Variants in FARSB observed in about 807,000 individuals in gnomAD.
The protein encoded by FARSB is phenylalanine--tRNA ligase beta subunit.
A neutral mutation model predicts 69.6 loss-of-function variants in FARSB; 40 were observed. The ratio of observed to expected loss-of-function variants is 0.57; its 90% CI spans 0.45 to 0.75. The LOEUF (loss-of-function observed/expected upper bound fraction) is 0.75, where lower values mean the gene tolerates loss of function less well. Ranked by LOEUF, FARSB falls within the 30% of genes least tolerant of loss-of-function variation. FARSB has a pLI of 0.00. For missense variants in FARSB, 632 were observed against 722.9 expected (o/e 0.87, Z 1.44); for synonymous variants, 235 against 247.2 (o/e 0.95, Z 0.46).
chr2:222,619,319 T>TAA (rs35884135), intron 14 of FARSB, among the ~76,000 whole-genome samples: 1 of 124,032 alleles, frequency 8.1e-6, no homozygotes, highest in Non-Finnish European at 1.7e-5. Context: ...AAATAAAAAT[T>TAA]AAAAAAAAAA....
At chr2:222,596,267 C>A (rs1574920370) in intron 16 of FARSB, among the ~76,000 whole-genome samples, 1 of 152,162 alleles carries the variant, frequency 6.6e-6, no homozygotes, top group Non-Finnish European at 1.5e-5. Context: ...GTCAACAAAA[C>A]TCCATAGGTT....
intron 15 of FARSB, among the ~76,000 whole-genome samples, chr2:222,603,158 G>A (rs1471381681): frequency 5.3e-5 from 8 of 152,172 alleles, no homozygotes; most frequent in South Asian, 4.1e-4. Context: ...AACATAGAAC[G>A]AATGCTGGCC....
chr2:222,571,881 G>C lies in FARSB; in HGVS notation c.1760C>G (p.Pro587Arg). ...CACAGAGACCAATCTTCACAAAAAG[G>C]GTCCAACATTGATTTCTAGGGAGGA... ...PCSSLEINVG[P>R]FL is the part of the protein sequence containing the mutation. Residue 587 changes from proline to arginine, a missense_variant, in exon 17 of 17, where the codon CCC becomes CGC. Physicochemically the swap from Pro to Arg is moderately radical, Grantham distance 103. Coordinates refer to ENST00000281828, the MANE Select transcript of FARSB (RefSeq NM_005687.5). 6.2e-7 allele frequency: 1 copy of C among 1,612,550 alleles called. No homozygotes were observed. The highest frequency in any genetic ancestry group is 8.5e-7 in the Non-Finnish European group (1 of 1,179,350).
intron 1 of FARSB, 32 bp downstream of exon 1, chr2:222,655,984 C>G (rs1361565420): frequency 6.5e-7 from 1 of 1,538,736 alleles, no homozygotes; most frequent in Non-Finnish European, 8.9e-7. Context: ...CGAGAAGAGG[C>G]GTAGGGCCCA....
intron 10 of FARSB, among the ~76,000 whole-genome samples, chr2:222,625,994 C>T (rs1691258251): frequency 6.6e-6 from 1 of 152,126 alleles, no homozygotes; most frequent in Non-Finnish European, 1.5e-5. Flanking sequence ...CGCCTGTAAT[C>T]CCAACACTTT....
At chr2:222,652,001 G>A (rs1692049605) in intron 1 of FARSB, among the ~76,000 whole-genome samples, 2 of 152,176 alleles carry the variant, frequency 1.3e-5, no homozygotes, top group Non-Finnish European at 2.9e-5. Flanking sequence ...GAATTGCCAT[G>A]GACCAATGAC....
At chr2:222,643,192 A>G (rs1254323377) in intron 2 of FARSB, among the ~76,000 whole-genome samples, 187 bp from the exon 3 acceptor site, 1 of 152,266 alleles carries the variant, frequency 6.6e-6, no homozygotes, top group East Asian at 1.9e-4. Context: ...GCAGACAGAA[A>G]AATACTTCAG....
chr2:222,601,813 G>A (rs1039732839), intron 15 of FARSB, among the ~76,000 whole-genome samples: 3 of 152,006 alleles, frequency 2.0e-5, no homozygotes, highest in Non-Finnish European at 2.9e-5. Flanking sequence ...ATAGGCACAC[G>A]CCACCACACT....
intron 1 of FARSB, among the ~76,000 whole-genome samples, chr2:222,654,129 T>C (rs1391774354): frequency 5.9e-5 from 9 of 152,216 alleles, no homozygotes; most frequent in African/African-American, 2.4e-5. Context: ...TGATTATAGA[T>C]GTTTTGAACA....
At chr2:222,655,624 A>G (rs1692153618) in intron 1 of FARSB, among the ~76,000 whole-genome samples, 1 of 152,300 alleles carries the variant, frequency 6.6e-6, no homozygotes, top group African/African-American at 2.4e-5. Context: ...ACCCCGCTGC[A>G]CAAATCTCTC....
intron 1 of FARSB, among the ~76,000 whole-genome samples, chr2:222,651,975 T>C (rs550298452): frequency 2.0e-5 from 3 of 152,282 alleles, no homozygotes; most frequent in African/African-American, 7.2e-5. Flanking sequence ...CATCCAACAT[T>C]TGCCACTTGA....
intron 1 of FARSB, among the ~76,000 whole-genome samples, chr2:222,652,856 A>C (rs1692073554): frequency 6.6e-6 from 1 of 152,246 alleles, no homozygotes; most frequent in Non-Finnish European, 1.5e-5. Context: ...TTTAGTATGC[A>C]GTAATAGATA....
At position 222,656,068 on chromosome 2, in the gene FARSB, C is replaced by A. The variant is rs750806415; in HGVS notation, c.6G>T (p.Pro2=). Residue 2 remains proline, a synonymous_variant, in exon 1 of 17, where the codon CCG becomes CCT. Coordinates refer to ENST00000281828, the MANE Select transcript of FARSB (RefSeq NM_005687.5). M[P]TVSVKRDLLF... ...GCAGATCACGCTTCACGCTGACAGT[C>A]GGCATGGTGTGTCGAACTCACTGCG... is the stretch of plus-strand genomic sequence containing the variant. 1 of 1,595,864 alleles carries A rather than the reference C, an allele frequency of 6.3e-7. No individual in the cohort carries two copies.
At chr2:222,640,405 C>A (rs185042482) in intron 4 of FARSB, among the ~76,000 whole-genome samples, 312 of 149,552 alleles carry the variant, frequency 2.1e-3, no homozygotes, top group Non-Finnish European at 2.3e-3. Flanking sequence ...GGGAAGGATC[C>A]TTTGAGCTCA....
chr2:222,593,140 T>C (rs1690321648), intron 16 of FARSB, among the ~76,000 whole-genome samples: 1 of 152,192 alleles, frequency 6.6e-6, no homozygotes. Context: ...AAAGTATTCA[T>C]TATGTTATAG....
At chr2:222,574,739 A>G (rs1333665549) in intron 16 of FARSB, among the ~76,000 whole-genome samples, 1 of 152,252 alleles carries the variant, frequency 6.6e-6, no homozygotes, top group Non-Finnish European at 1.5e-5. Context: ...ATGGCAAGTT[A>G]AAATTGTCAT....
chr2:222,593,781 G>A (rs1206342020), intron 16 of FARSB, among the ~76,000 whole-genome samples: 1 of 151,976 alleles, frequency 6.6e-6, no homozygotes, highest in African/African-American at 2.4e-5. Flanking sequence ...TGAGGTGAGA[G>A]GATCACTTGA....
intron 4 of FARSB, 87 bp downstream of exon 4, chr2:222,640,775 A>T (rs1278930561): frequency 2.9e-6 from 2 of 696,226 alleles, no homozygotes; most frequent in African/African-American, 3.8e-5. Context: ...AAAAAAGAGT[A>T]AGCTTTGTTT....
At chr2:222,636,855 A>C (rs948647784) in intron 5 of FARSB, among the ~76,000 whole-genome samples, 4 of 152,226 alleles carry the variant, frequency 2.6e-5, no homozygotes, top group Non-Finnish European at 5.9e-5. Context: ...ATCAAAAGGC[A>C]ATGGACATGA....
Sources: gnomAD v4.1 joint callset for allele counts (sites outside exome capture counted in the v4.1 genomes callset) on GRCh38, gnomAD v4.1.1 for gene constraint, MANE v1.5 for transcripts, NCBI Gene and HGNC (gene_info 2026-07-23, HGNC 2026-07-21) for gene names.